The following PFKFB4 variants were observed in gnomAD, a reference collection of about 807,000 sequenced individuals.
PFKFB4 encodes the protein 6-phosphofructo-2-kinase/fructose-2,6-biphosphatase 4.
A neutral mutation model predicts 62.8 loss-of-function variants in PFKFB4; 42 were observed. The observed-to-expected ratio is 0.67, with a 90% CI of 0.52 to 0.86. The LOEUF (loss-of-function observed/expected upper bound fraction) is 0.86, where lower values mean the gene tolerates loss of function less well. Among genes scored for constraint, PFKFB4 ranks in the 40% least tolerant of loss-of-function variants. PFKFB4 has a pLI of 0.00. For missense variants in PFKFB4, 475 were observed against 627.2 expected (o/e 0.76, Z 2.59); for synonymous variants, 204 against 240.7 (o/e 0.85, Z 1.41).
chr3:48,517,701 T>G lies in PFKFB4; in HGVS notation c.*2046A>C, dbSNP rs2041963110. 1 of 152,676 alleles carries G rather than the reference T, an allele frequency of 6.5e-6. No homozygotes were observed. The highest frequency in any genetic ancestry group is 6.5e-5 in the Admixed American group (1 of 15,290). The allele number at this position is 152,676 out of a possible 1,614,324, so 9.5% of individuals were successfully genotyped here. ...ACCTGAGATTATTTTTTAAAAAGTATTTATTGCAAAGAATGCTGGACACAG... is the reference window on the plus strand; with the variant it reads ...ACCTGAGATTATTTTTTAAAAAGTAGTTATTGCAAAGAATGCTGGACACAG... On this transcript the variant is annotated 3_prime_UTR_variant, in exon 14 of 14. Transcript: ENST00000232375.
At position 48,521,317 on chromosome 3, in the gene PFKFB4, G is replaced by T. The variant is rs1260427418; in HGVS notation, c.1350+669C>A. On this transcript the variant is annotated intron_variant, in intron 13 of 13. Coordinates refer to ENST00000232375, the MANE Select transcript of PFKFB4 (RefSeq NM_004567.4). This position sits in a 1 kb window ranked among gnomAD's most constrained non-coding sequence, Gnocchi z 5.3. The stretch of plus-strand genomic sequence containing the variant: ...TCCTATCCTTGGCCCCAGTGGGAGA[G>T]GGAGCCAACATTGTGGAGGGACCCC... Among the ~76,000 whole-genome samples the T allele has an allele frequency of 6.6e-6, 1 of 152,024 alleles. No individual in the cohort carries two copies. Among genetic ancestry groups the T allele is most frequent in the Non-Finnish European group, 1.5e-5 (1 of 67,992 alleles).
chr3:48,522,114 A>G, intron 12 of PFKFB4, 64 bp from the exon 13 acceptor site: 1 of 1,460,012 alleles, frequency 6.8e-7, no homozygotes, highest in South Asian at 1.1e-5. Flanking sequence ...CAGATGCTAG[A>G]AACTTCTCTT....
intron 4 of PFKFB4, among the ~76,000 whole-genome samples, chr3:48,540,666 G>A (rs565617729): frequency 6.6e-6 from 1 of 152,302 alleles, no homozygotes; most frequent in East Asian, 1.9e-4. Context: ...CTGGAGCGTA[G>A]TGGAGCAATC....
At chr3:48,545,402 G>T (rs780700889) in intron 3 of PFKFB4, among the ~76,000 whole-genome samples, 8 of 152,236 alleles carry the variant, frequency 5.3e-5, no homozygotes, top group Non-Finnish European at 1.0e-4. Context: ...CAAGTGCTGG[G>T]ATTGCAAGCT....
intron 4 of PFKFB4, among the ~76,000 whole-genome samples, chr3:48,542,290 C>T (rs1326661508): frequency 1.6e-4 from 23 of 147,798 alleles, no homozygotes; most frequent in East Asian, 6.1e-4. Flanking sequence ...GCCGAGATCA[C>T]GCCACTGCAC....
chr3:48,559,871 T>A (rs2043404590), upstream of PFKFB4: 1 of 314,424 alleles, frequency 3.2e-6, no homozygotes, highest in South Asian at 2.4e-5. Context: ...TACTGGCCAG[T>A]CCTGACAGAA....
At chr3:48,535,692 G>A (rs569103919) in intron 8 of PFKFB4, 34 bp from the exon 9 acceptor site, 6 of 1,612,868 alleles carry the variant, frequency 3.7e-6, no homozygotes, top group Admixed American at 3.3e-5. Context: ...CAGACCCACA[G>A]GTCTTGGGCT....
At position 48,549,867 on chromosome 3, in the gene PFKFB4, CT is replaced by C; in HGVS notation, c.307del (p.Arg103GlyfsTer63). On this transcript the variant is annotated frameshift_variant, in exon 3 of 14. Transcript: ENST00000232375. LOFTEE classifies it high-confidence loss of function. ...LPDNEEGLKI[R>X]KQCALAALRD... The stretch of plus-strand genomic sequence containing the variant: ...CACACCCAACACATATACTTACTTC[CT>C]GATTTTCAGGCCCTCTTCATTGTCG... The C allele has an allele frequency of 6.2e-7, 1 of 1,600,432 alleles. No homozygotes were observed. The highest frequency in any genetic ancestry group is 8.6e-7 in the Non-Finnish European group (1 of 1,167,524).
intron 10 of PFKFB4, among the ~76,000 whole-genome samples, 156 bp from the exon 11 acceptor site, chr3:48,523,986 G>C (rs2042178046): frequency 6.6e-6 from 1 of 152,284 alleles, no homozygotes; most frequent in South Asian, 2.1e-4. Context: ...AGGCCATGGG[G>C]GTGGGCAGCT....
At chr3:48,541,248 C>G (rs1358005144) in intron 4 of PFKFB4, among the ~76,000 whole-genome samples, 1 of 152,092 alleles carries the variant, frequency 6.6e-6, no homozygotes, top group African/African-American at 2.4e-5. Context: ...CTGCCTCAGC[C>G]TCCCGAGTAG....
upstream of PFKFB4, chr3:48,559,899 CACACACACA>C: frequency 5.1e-4 from 4 of 7,812 alleles, no homozygotes; most frequent in South Asian, 2.9e-3. Flanking sequence ...ACCATCCCAC[CACACACACA>C]CACACACACA....
In PFKFB4 at chr3:48,521,465, C is replaced by T. The variant is rs2042091864; in HGVS notation, c.1350+521G>A. On this transcript the variant is annotated intron_variant, in intron 13 of 13. Transcript: ENST00000232375. This position sits in a 1 kb window ranked among gnomAD's most constrained non-coding sequence, Gnocchi z 5.3. ...AGGTCTCCACCCCATGCTGAGGCCC[C>T]TTCAGTATCTGCATGGCCCTTTCCC... is the stretch of plus-strand genomic sequence containing the variant. Among the ~76,000 whole-genome samples the T allele has an allele frequency of 6.6e-6, 1 of 152,214 alleles. No individual in the cohort carries two copies. Among genetic ancestry groups the T allele is most frequent in the African/African-American group, 2.4e-5 (1 of 41,458 alleles).
chr3:48,551,208 A>G (rs558854700), intron 1 of PFKFB4, among the ~76,000 whole-genome samples: 115 of 147,052 alleles, frequency 7.8e-4, no homozygotes, highest in African/African-American at 2.6e-3. Context: ...GACCTAGCTC[A>G]CTTTTCTTTT....
At chr3:48,537,448 C>T (rs956103303) in intron 7 of PFKFB4, among the ~76,000 whole-genome samples, 1 of 151,796 alleles carries the variant, frequency 6.6e-6, no homozygotes, top group Non-Finnish European at 1.5e-5. Flanking sequence ...CAGCTGAGGA[C>T]CCTGCTCTAT....
upstream of PFKFB4, chr3:48,559,472 C>T (rs775387731): frequency 8.8e-6 from 4 of 456,180 alleles, no homozygotes; most frequent in Non-Finnish European, 1.3e-5. Flanking sequence ...CCTTGCCTGC[C>T]ACACTACAGT....
At chr3:48,562,833 G>A (rs1350605350), upstream of PFKFB4, 1 of 1,578,690 alleles carries the variant, frequency 6.3e-7, no homozygotes, top group Non-Finnish European at 8.6e-7. This position sits in a 1 kb window ranked among gnomAD's most constrained non-coding sequence, Gnocchi z 4.3. Context: ...GTGGTGGCCT[G>A]CTCCCTGGCA....
intron 9 of PFKFB4, among the ~76,000 whole-genome samples, chr3:48,527,541 T>C (rs529020113): frequency 1.9e-4 from 29 of 152,180 alleles, no homozygotes; most frequent in Admixed American, 1.8e-3. Context: ...GGATAGTGGG[T>C]AGAGGCTGGA....
chr3:48,533,444 A>C (rs2042491150), intron 9 of PFKFB4, among the ~76,000 whole-genome samples: 1 of 152,242 alleles, frequency 6.6e-6, no homozygotes, highest in Non-Finnish European at 1.5e-5. Context: ...CAAAGTATAT[A>C]TCCACAGAAA....
At chr3:48,555,050 CAAA>C (rs11328976) in intron 1 of PFKFB4, among the ~76,000 whole-genome samples, 10 of 59,472 alleles carry the variant, frequency 1.7e-4, no homozygotes, top group East Asian at 8.3e-4. Flanking sequence ...AACTCCGTCT[CAAA>C]AAAAAAAAAA....
Sources: gnomAD v4.1 joint callset for allele counts (sites outside exome capture counted in the v4.1 genomes callset) on GRCh38, gnomAD v4.1.1 for gene constraint, Gnocchi (gnomAD v3.1) non-coding constraint, MANE v1.5 for transcripts, NCBI Gene and HGNC (gene_info 2026-07-23, HGNC 2026-07-21) for gene names.